The following NBEA variants were observed in gnomAD, a reference collection of about 807,000 sequenced individuals.
NBEA encodes the protein lysosomal-trafficking regulator 2.
In NBEA, 44 loss-of-function variants were observed where a neutral mutation model predicts 343.4. That is an observed-to-expected ratio of 0.13 (90% confidence interval 0.10 to 0.16). The LOEUF (loss-of-function observed/expected upper bound fraction) is 0.16. NBEA is among the 10% of genes least tolerant of loss of function. The pLI, the probability that NBEA is intolerant of heterozygous loss-of-function variation, is 1.00. For missense variants in NBEA, 2,555 were observed against 3,631.3 expected (o/e 0.70, Z 7.62); for synonymous variants, 1,175 against 1,238.7 (o/e 0.95, Z 1.08).
chr13:35,458,248 T>C lies in NBEA; in HGVS notation c.6448+6013T>C, dbSNP rs147575748. 1.3e-4 allele frequency among the ~76,000 whole-genome samples: 20 copies of C among 152,310 alleles called. No individual in the cohort carries two copies. In the East Asian group the frequency reaches 3.3e-3, roughly 25 times the overall value. On this transcript the variant is annotated intron_variant, in intron 40 of 58. Coordinates refer to ENST00000379939, the MANE Select transcript of NBEA (RefSeq NM_001385012.1). ...TGTTATTATCTGTCTTCCTTTATTA[T>C]AGCCGCCCCACCACATTTTGATTGT... is the stretch of plus-strand genomic sequence containing the variant.
intron 48 of NBEA, 140 bp downstream of exon 48, chr13:35,606,718 A>G (rs2082296196): frequency 1.4e-6 from 1 of 698,768 alleles, no homozygotes; most frequent in Non-Finnish European, 2.1e-6. Flanking sequence ...TTAAATGAAA[A>G]AGAAAACATT....
chr13:35,368,892 T>A (rs2041271276), intron 38 of NBEA, among the ~76,000 whole-genome samples: 1 of 151,620 alleles, frequency 6.6e-6, no homozygotes, highest in Non-Finnish European at 1.5e-5. Flanking sequence ...GTTCAGTATA[T>A]TTTTTTCTTT....
At chr13:35,293,078 C>T (rs1479823804) in intron 35 of NBEA, among the ~76,000 whole-genome samples, 1 of 151,750 alleles carries the variant, frequency 6.6e-6, no homozygotes, top group Non-Finnish European at 1.5e-5. Flanking sequence ...GCTTTTCTTT[C>T]TTATCTGAGC....
At chr13:35,145,977 T>C (rs372874785) in intron 18 of NBEA, among the ~76,000 whole-genome samples, 8 of 152,162 alleles carry the variant, frequency 5.3e-5, no homozygotes, top group African/African-American at 1.9e-4. Context: ...TGAGGAGATA[T>C]TGATGCTTAT....
intron 38 of NBEA, among the ~76,000 whole-genome samples, chr13:35,423,073 A>G (rs1443157791): frequency 7.2e-5 from 11 of 152,122 alleles, no homozygotes; most frequent in Non-Finnish European, 1.3e-4. Flanking sequence ...AGTAGGTTGC[A>G]AAAATTTTCT....
chr13:35,651,746 G>A, intron 52 of NBEA, 59 bp from the exon 53 acceptor site: 4 of 1,023,892 alleles, frequency 3.9e-6, no homozygotes, highest in Non-Finnish European at 6.0e-6. Context: ...CTACCCATTA[G>A]GAAATCCCTT....
chr13:35,275,473 G>A (rs2034513913), intron 34 of NBEA, among the ~76,000 whole-genome samples: 1 of 152,210 alleles, frequency 6.6e-6, no homozygotes, highest in East Asian at 1.9e-4. Context: ...AACACCAAAA[G>A]CAATGGCAAC....
chr13:35,593,489 A>G (rs781270453), intron 47 of NBEA, 42 bp downstream of exon 47: 30 of 1,552,014 alleles, frequency 1.9e-5, no homozygotes, highest in Non-Finnish European at 2.2e-5. Context: ...ATTTCAAAAT[A>G]TGTGGAAATT....
rs762367827 is a variant in NBEA, at chr13:35,183,997, C to A, written c.4853C>A (p.Pro1618His). Residue 1618 changes from proline to histidine, a missense_variant, in exon 30 of 59, where the codon CCT (proline) becomes CAT (histidine). Around this residue, in one of 21 missense-constraint regions of NBEA, gnomAD observed 270 missense variants for 293.3 expected, o/e 0.92. Coordinates refer to ENST00000379939, the MANE Select transcript of NBEA (RefSeq NM_001385012.1). Reference sequence around the variant, plus strand: ...ACAGTTGTGGTCATACCATCTATCCCTCATCCAAGTTTGAACCATGGATTC... The same window carrying A: ...ACAGTTGTGGTCATACCATCTATCCATCATCCAAGTTTGAACCATGGATTC... ...TSTVVVIPSI[P>H]HPSLNHGFLA... 1.9e-6 allele frequency: 3 copies of A among 1,611,372 alleles called. No individual in the cohort carries two copies. The East Asian group carries it at 6.7e-5, about 36-fold the overall frequency.
intron 30 of NBEA, among the ~76,000 whole-genome samples, chr13:35,188,928 G>GTT (rs1160390239): frequency 1.1e-5 from 1 of 89,736 alleles, no homozygotes; most frequent in Non-Finnish European, 2.4e-5. Context: ...TTTTTTGGTT[G>GTT]TTTTTTTTTG....
intron 39 of NBEA, among the ~76,000 whole-genome samples, chr13:35,440,073 T>A (rs1319233714): frequency 6.6e-6 from 1 of 152,166 alleles, no homozygotes; most frequent in African/African-American, 2.4e-5. Context: ...AGAGACAGGG[T>A]TTCACCATGT....
intron 17 of NBEA, among the ~76,000 whole-genome samples, chr13:35,125,188 G>A (rs2067054580): frequency 6.6e-6 from 1 of 152,052 alleles, no homozygotes; most frequent in Non-Finnish European, 1.5e-5. Context: ...TATCACAAAT[G>A]TTATCACAAG....
At chr13:35,037,623 T>A (rs983053869) in intron 1 of NBEA, among the ~76,000 whole-genome samples, 2 of 152,206 alleles carry the variant, frequency 1.3e-5, no homozygotes, top group African/African-American at 4.8e-5. Flanking sequence ...AGATCTGGGA[T>A]AATTCTCTAG....
At chr13:34,953,861 C>T (rs929178811) in intron 1 of NBEA, among the ~76,000 whole-genome samples, 1 of 152,206 alleles carries the variant, frequency 6.6e-6, no homozygotes, top group South Asian at 2.1e-4. Context: ...AGCTCTGCCT[C>T]CTGTCAGATC....
chr13:35,496,792 C>T (rs1293818374), intron 41 of NBEA, among the ~76,000 whole-genome samples: 1 of 151,934 alleles, frequency 6.6e-6, no homozygotes. Context: ...GCTTGGTGTG[C>T]AGGCACCTCT....
intron 35 of NBEA, among the ~76,000 whole-genome samples, chr13:35,295,521 T>C (rs2036068744): frequency 6.6e-6 from 1 of 152,182 alleles, no homozygotes; most frequent in South Asian, 2.1e-4. Context: ...CCATAAAAGT[T>C]TGTAATATGT....
chr13:34,966,255 A>C (rs1213495631), intron 1 of NBEA, among the ~76,000 whole-genome samples: 1 of 151,992 alleles, frequency 6.6e-6, no homozygotes. Context: ...GATTCATCTG[A>C]TTGGATAGAG....
chr13:35,342,693 GT>G (rs1249085866), intron 36 of NBEA, among the ~76,000 whole-genome samples: 1 of 151,958 alleles, frequency 6.6e-6, no homozygotes, highest in Admixed American at 6.6e-5. Context: ...GGCTTATGAT[GT>G]TATTTAACTT....
chr13:35,524,765 A>T (rs2077890933), intron 41 of NBEA, among the ~76,000 whole-genome samples: 1 of 152,250 alleles, frequency 6.6e-6, no homozygotes, highest in African/African-American at 2.4e-5. Context: ...ATAGAAAAGT[A>T]ATAAAACAAC....
Sources: allele counts gnomAD v4.1 joint callset (sites outside exome capture counted in the v4.1 genomes callset), GRCh38; gene constraint gnomAD v4.1.1; regional missense constraint gnomAD v4.1.1; transcripts MANE v1.5; gene names NCBI Gene and HGNC (gene_info 2026-07-23, HGNC 2026-07-21).